The following SH3KBP1 variants were observed in gnomAD, a reference collection of about 807,000 sequenced individuals.
SH3KBP1 encodes SH3 domain-containing kinase-binding protein 1.
In SH3KBP1, 8 loss-of-function variants were observed where a neutral mutation model predicts 50.1. The ratio of observed to expected loss-of-function variants is 0.16; its 90% CI spans 0.09 to 0.29. The LOEUF (loss-of-function observed/expected upper bound fraction) is 0.29, where lower values mean the gene tolerates loss of function less well. SH3KBP1 is among the 10% of genes least tolerant of loss of function. SH3KBP1 has a pLI of 1.00. For missense variants in SH3KBP1, 377 were observed against 535.2 expected (o/e 0.70, Z 2.92); for synonymous variants, 227 against 218.6 (o/e 1.04, Z -0.34).
At chrX:19,878,472 T>TTGTGTGTGTGTGTG (rs56786885) in intron 1 of SH3KBP1, among the ~76,000 whole-genome samples, 61 of 73,030 alleles carry the variant, frequency 8.4e-4, no homozygotes, top group African/African-American at 3.7e-3. Context: ...CCTGGCTAAT[T>TTGTGTGTGTGTGTG]TGTGTGTGTG....
chrX:19,626,381 T>A (rs2099222469), intron 8 of SH3KBP1, among the ~76,000 whole-genome samples: 1 of 99,330 alleles, frequency 1.0e-5, no homozygotes, highest in Non-Finnish European at 2.0e-5. Flanking sequence ...TATTCTTCGA[T>A]GTATGAATGA....
intron 2 of SH3KBP1, among the ~76,000 whole-genome samples, chrX:19,822,144 T>C (rs1297960072): frequency 3.6e-5 from 4 of 112,535 alleles, no homozygotes; most frequent in Middle Eastern, 8.4e-3. Flanking sequence ...TATCTTGGCA[T>C]AGATTTCTCT....
chrX:19,691,299 G>A (rs1339358997), intron 5 of SH3KBP1, among the ~76,000 whole-genome samples: 13 of 100,926 alleles, frequency 1.3e-4, no homozygotes, highest in African/African-American at 4.8e-4. Context: ...TCGCACGCAC[G>A]CACGCATGCG....
chrX:19,684,671 G>A (rs1165253345), intron 5 of SH3KBP1, among the ~76,000 whole-genome samples: 3 of 112,102 alleles, frequency 2.7e-5, no homozygotes, highest in African/African-American at 9.7e-5. Flanking sequence ...GATCATGTTT[G>A]TTAAAGAGGG....
intron 10 of SH3KBP1, 60 bp from the exon 11 acceptor site, chrX:19,592,207 A>G: frequency 1.1e-6 from 1 of 933,505 alleles, no homozygotes; most frequent in Non-Finnish European, 1.5e-6. Context: ...TATTACACCC[A>G]CCAGCATTTA....
At chrX:19,861,728 T>C (rs1178930297) in intron 1 of SH3KBP1, among the ~76,000 whole-genome samples, 2 of 111,362 alleles carry the variant, frequency 1.8e-5, no homozygotes, top group Admixed American at 1.9e-4. Flanking sequence ...GACTGTGAAG[T>C]GGATGCCTAA....
intron 2 of SH3KBP1, among the ~76,000 whole-genome samples, chrX:19,767,481 T>C (rs1159055694): frequency 8.9e-6 from 1 of 112,263 alleles, no homozygotes; most frequent in Non-Finnish European, 1.9e-5. Flanking sequence ...ACAAACTTTT[T>C]CCCAGCAAAC....
At chrX:19,678,459 G>A (rs1202314295) in intron 6 of SH3KBP1, among the ~76,000 whole-genome samples, 2 of 108,972 alleles carry the variant, frequency 1.8e-5, no homozygotes, top group Non-Finnish European at 3.8e-5. Context: ...GAATACATAG[G>A]CAGCATAGAA....
chrX:19,692,634 T>C (rs1338598389), intron 5 of SH3KBP1, among the ~76,000 whole-genome samples: 69 of 72,176 alleles, frequency 9.6e-4, no homozygotes, highest in South Asian at 1.6e-3. Context: ...CGTGTGTGTG[T>C]GTGTGTGTGT....
chrX:19,794,068 C>T (rs2066627792), intron 2 of SH3KBP1, among the ~76,000 whole-genome samples: 1 of 109,723 alleles, frequency 9.1e-6, no homozygotes, highest in Admixed American at 9.7e-5. Context: ...CAGAACGGTC[C>T]CCAGGCAAGT....
At chrX:19,765,453 G>A (rs1200099740) in intron 2 of SH3KBP1, among the ~76,000 whole-genome samples, 1 of 110,862 alleles carries the variant, frequency 9.0e-6, no homozygotes, top group Non-Finnish European at 1.9e-5. Context: ...CATCTTCGAG[G>A]CCAGCAGTAT....
intron 9 of SH3KBP1, among the ~76,000 whole-genome samples, chrX:19,607,463 G>A (rs1372694017): frequency 8.9e-6 from 1 of 112,096 alleles, no homozygotes. Flanking sequence ...ACTAATATAC[G>A]GATATGTGCG....
intron 1 of SH3KBP1, 105 bp downstream of exon 1, chrX:19,887,202 C>A (rs2069618910): frequency 2.6e-5 from 19 of 720,745 alleles, no homozygotes; most frequent in Non-Finnish European, 3.4e-5. Flanking sequence ...TGTCCCCCGT[C>A]CGGACCCTGC....
chrX:19,662,377 G>C (rs1399247705), intron 6 of SH3KBP1, among the ~76,000 whole-genome samples: 2 of 111,782 alleles, frequency 1.8e-5, no homozygotes, highest in African/African-American at 6.5e-5. Context: ...ACATCTGTAA[G>C]GGACTGAAAA....
At chrX:19,561,644 C>G (rs182411850) in intron 13 of SH3KBP1, among the ~76,000 whole-genome samples, 24 of 111,247 alleles carry the variant, frequency 2.2e-4, no homozygotes, top group Admixed American at 5.8e-4. Flanking sequence ...AAGGTTATCA[C>G]CAGTCATAAT....
At chrX:19,728,707 G>C (rs1320724059) in intron 3 of SH3KBP1, among the ~76,000 whole-genome samples, 1 of 111,747 alleles carries the variant, frequency 8.9e-6, no homozygotes, top group Non-Finnish European at 1.9e-5. Flanking sequence ...GGTTTGCAAA[G>C]AGAGAAGTGG....
At position 19,694,832 on chromosome X, in the gene SH3KBP1, C is replaced by T. The variant is rs768839504; in HGVS notation, c.520+780G>A. ...AATGATTTGGGCAGGACTAAGCTGCCCTCCTCTTGTCAGAAAGGAAATTCT... is the reference window on the plus strand; with the variant it reads ...AATGATTTGGGCAGGACTAAGCTGCTCTCCTCTTGTCAGAAAGGAAATTCT... On this transcript the variant is annotated intron_variant, in intron 5 of 17. Coordinates refer to ENST00000397821, the MANE Select transcript of SH3KBP1 (RefSeq NM_031892.3). 5.4e-5 allele frequency among the ~76,000 whole-genome samples: 6 copies of T among 111,721 alleles called. No individual in the cohort carries two copies. In the East Asian group the frequency reaches 1.7e-3, roughly 31 times the overall value.
chrX:19,671,371 A>AACAC (rs745414505), intron 6 of SH3KBP1, among the ~76,000 whole-genome samples: 83 of 101,895 alleles, frequency 8.1e-4, no homozygotes, highest in African/African-American at 2.3e-3. Flanking sequence ...ATTACTCATA[A>AACAC]ACACACACAC....
chrX:19,869,121 G>T (rs932480608), intron 1 of SH3KBP1, among the ~76,000 whole-genome samples: 1 of 111,502 alleles, frequency 9.0e-6, no homozygotes, highest in Admixed American at 9.5e-5. Context: ...AGCTGCAAAA[G>T]GTAAGGAAAG....
Sources: gnomAD v4.1 joint callset for allele counts (sites outside exome capture counted in the v4.1 genomes callset) on GRCh38, gnomAD v4.1.1 for gene constraint, MANE v1.5 for transcripts, NCBI Gene and HGNC (gene_info 2026-07-23, HGNC 2026-07-21) for gene names.